Variants in RANBP17 observed in about 807,000 individuals in gnomAD.
The protein encoded by RANBP17 is ran-binding protein 17.
RANBP17 carries 158 observed loss-of-function variants against 141.2 expected under a neutral mutation model. The ratio of observed to expected loss-of-function variants is 1.12; its 90% CI spans 0.98 to 1.28. The LOEUF is 1.28. RANBP17 is among the 50% of genes most tolerant of loss of function. The probability of loss-of-function intolerance (pLI) is 0.00; values close to 1 mark genes in which losing one functional copy is unlikely to be tolerated. For missense variants in RANBP17, 1,438 were observed against 1,290.7 expected (o/e 1.11, Z -1.75); for synonymous variants, 430 against 450.0 (o/e 0.96, Z 0.56).
chr5:171,235,186 G>A, intron 22 of RANBP17, among the ~76,000 whole-genome samples: 1 of 152,172 alleles, frequency 6.6e-6, no homozygotes, highest in Non-Finnish European at 1.5e-5. Context: ...TTAGCAACCA[G>A]AAGTCACTAG....
rs376044693 is a variant in RANBP17 at position 170,893,481 on chromosome 5, A to G, written c.423+928A>G. 4.1e-4 allele frequency among the ~76,000 whole-genome samples: 63 copies of G among 152,270 alleles called. 1 individual carries two copies. The South Asian group carries it at 0.013, about 31-fold the overall frequency. On this transcript the variant is annotated intron_variant, in intron 4 of 27. Coordinates refer to ENST00000523189, the MANE Select transcript of RANBP17 (RefSeq NM_022897.5). ...TTCCCAAGTAGAAGAGAACTATTTT[A>G]TCTGATGTCCAGCTAAAGAAACATG...
At chr5:170,927,366 C>T (rs959404995) in intron 12 of RANBP17, among the ~76,000 whole-genome samples, 2 of 151,972 alleles carry the variant, frequency 1.3e-5, no homozygotes, top group African/African-American at 4.8e-5. Context: ...TTTGCTGCAC[C>T]CATCAGCCTG....
intron 14 of RANBP17, among the ~76,000 whole-genome samples, chr5:170,989,874 A>G (rs911342634): frequency 6.6e-6 from 1 of 151,844 alleles, no homozygotes; most frequent in African/African-American, 2.4e-5. Flanking sequence ...GATTACAAAG[A>G]TGTAAAACAA....
At chr5:171,263,198 C>T (rs944138409) in intron 24 of RANBP17, among the ~76,000 whole-genome samples, 5 of 152,192 alleles carry the variant, frequency 3.3e-5, no homozygotes, top group African/African-American at 7.2e-5. Flanking sequence ...AGAAACTACT[C>T]CCTTAGGAAG....
At chr5:171,247,484 CT>C (rs2128000610) in intron 24 of RANBP17, among the ~76,000 whole-genome samples, 1 of 152,046 alleles carries the variant, frequency 6.6e-6, no homozygotes, top group South Asian at 2.1e-4. Context: ...CTATTGTTGC[CT>C]TGATGGAAAA....
intron 14 of RANBP17, among the ~76,000 whole-genome samples, chr5:171,089,246 G>C (rs1480986637): frequency 9.3e-6 from 1 of 107,020 alleles, no homozygotes. Flanking sequence ...CCCCTGCTGG[G>C]GGGGGCCTCC....
intron 14 of RANBP17, among the ~76,000 whole-genome samples, chr5:170,994,195 C>T (rs1399717196): frequency 1.3e-5 from 2 of 152,008 alleles, no homozygotes; most frequent in African/African-American, 2.4e-5. Flanking sequence ...GCTGTAGACT[C>T]AGTTTGGAAC....
At chr5:171,231,198 C>G (rs1764189904) in intron 22 of RANBP17, among the ~76,000 whole-genome samples, 1 of 151,396 alleles carries the variant, frequency 6.6e-6, no homozygotes, top group Non-Finnish European at 1.5e-5. Flanking sequence ...ATCCTCCGCA[C>G]TCAGCCTCCC....
At chr5:171,236,295 T>C (rs1191006674) in intron 22 of RANBP17, among the ~76,000 whole-genome samples, 1 of 152,238 alleles carries the variant, frequency 6.6e-6, no homozygotes, top group Non-Finnish European at 1.5e-5. Flanking sequence ...TCAATGTGAT[T>C]GATTGCTTTG....
At chr5:171,124,412 A>G (rs1458654419) in intron 14 of RANBP17, among the ~76,000 whole-genome samples, 2 of 152,154 alleles carry the variant, frequency 1.3e-5, no homozygotes, top group African/African-American at 4.8e-5. Context: ...GAAGGGGAAG[A>G]GATGGAAAAG....
At chr5:171,246,977 C>T (rs1765250097) in intron 24 of RANBP17, among the ~76,000 whole-genome samples, 1 of 152,168 alleles carries the variant, frequency 6.6e-6, no homozygotes, top group Admixed American at 6.5e-5. Context: ...GAAACAGTGT[C>T]TTACTCACTA....
At chr5:171,206,604 A>C (rs1324012579) in intron 20 of RANBP17, 1 of 172,534 alleles carries the variant, frequency 5.8e-6, no homozygotes. Context: ...TACTTTTTTT[A>C]AACCCTCCTT....
At chr5:171,090,876 T>C (rs74676164) in intron 14 of RANBP17, among the ~76,000 whole-genome samples, 7,022 of 152,266 alleles carry the variant, frequency 0.046, 202 homozygotes, top group East Asian at 0.12. Flanking sequence ...TGAGTACCTC[T>C]GCCTAGACCT....
intron 25 of RANBP17, among the ~76,000 whole-genome samples, chr5:171,275,509 G>A (rs578017596): frequency 5.3e-5 from 8 of 152,114 alleles, no homozygotes; most frequent in South Asian, 2.1e-4. Context: ...TTTACATTTC[G>A]GAGAATGAAA....
At chr5:171,168,286 A>G (rs1173508955) in intron 14 of RANBP17, among the ~76,000 whole-genome samples, 1 of 152,140 alleles carries the variant, frequency 6.6e-6, no homozygotes, top group Non-Finnish European at 1.5e-5. Context: ...GTATGAGGGG[A>G]AAAAGAGGAA....
At chr5:171,094,703 A>C (rs1179182960) in intron 14 of RANBP17, among the ~76,000 whole-genome samples, 1 of 152,144 alleles carries the variant, frequency 6.6e-6, no homozygotes, top group Admixed American at 6.6e-5. Flanking sequence ...GGAATTATGG[A>C]AGAGTTTGCT....
intron 14 of RANBP17, among the ~76,000 whole-genome samples, chr5:171,037,796 T>C (rs1480508279): frequency 6.6e-6 from 1 of 152,084 alleles, no homozygotes; most frequent in African/African-American, 2.4e-5. Flanking sequence ...TTTTGTACCA[T>C]TAACATGCTG....
chr5:171,246,467 G>A (rs1561797313), intron 24 of RANBP17, among the ~76,000 whole-genome samples: 1 of 152,106 alleles, frequency 6.6e-6, no homozygotes, highest in Non-Finnish European at 1.5e-5. Context: ...ACTGCTTGTT[G>A]TACAATAATT....
intron 12 of RANBP17, among the ~76,000 whole-genome samples, chr5:170,946,877 T>G (rs778176698): frequency 2.0e-5 from 3 of 152,160 alleles, no homozygotes; most frequent in Non-Finnish European, 4.4e-5. Flanking sequence ...TGGCAGTAGA[T>G]AGACCATTAA....
Sources: gnomAD v4.1 joint callset for allele counts (sites outside exome capture counted in the v4.1 genomes callset) on GRCh38, gnomAD v4.1.1 for gene constraint, MANE v1.5 for transcripts, NCBI Gene and HGNC (gene_info 2026-07-23, HGNC 2026-07-21) for gene names.